Variants in CNOT1 observed in about 807,000 individuals in gnomAD.
CNOT1 encodes the protein CCR4-NOT transcription complex subunit 1, also known as CCR4-associated factor 1.
In CNOT1, 15 loss-of-function variants were observed where a neutral mutation model predicts 273.8. The ratio of observed to expected loss-of-function variants is 0.05; its 90% CI spans 0.04 to 0.08. CNOT1 has a LOEUF of 0.08. Ranked by LOEUF, CNOT1 falls within the 10% of genes least tolerant of loss-of-function variation. The probability of loss-of-function intolerance (pLI) is 1.00; values close to 1 mark genes in which losing one functional copy is unlikely to be tolerated. For missense variants in CNOT1, 1,644 were observed against 2,912.2 expected, an observed-to-expected ratio of 0.56 and a Z score of 10.02; for synonymous variants, 1,022 against 1,005.5, an observed-to-expected ratio of 1.02 and a Z score of -0.31.
chr16:58,547,480 A>C lies in CNOT1; in HGVS notation c.3639+86T>G. ...GGCCAAAATCTTACAAAACCCCAAT[A>C]ATCATTAAATAGCTCCAAACAGCCA... On this transcript the variant is annotated intron_variant, in intron 26 of 48. Transcript: ENST00000317147. This position sits in a 1 kb window ranked among gnomAD's most constrained non-coding sequence, Gnocchi z 4.0. 2 of 1,525,578 alleles carry C rather than the reference A, an allele frequency of 1.3e-6. No homozygotes were observed. Among genetic ancestry groups the C allele is most frequent in the South Asian group, 1.3e-5 (1 of 78,074 alleles). 94.5% of individuals were successfully genotyped at this position (1,525,578 alleles called of 1,614,324 possible).
At chr16:58,601,734 T>TAAAGAAAAAAAA (rs2042471030) in intron 1 of CNOT1, among the ~76,000 whole-genome samples, 1 of 91,514 alleles carries the variant, frequency 1.1e-5, no homozygotes, top group Non-Finnish European at 2.2e-5. Flanking sequence ...ATACCCACCT[T>TAAAGAAAAAAAA]AAAAAAAAAA....
chr16:58,572,508 C>T (rs2041310184), intron 16 of CNOT1, among the ~76,000 whole-genome samples: 1 of 151,934 alleles, frequency 6.6e-6, no homozygotes, highest in Non-Finnish European at 1.5e-5. Flanking sequence ...GTGGTGCATA[C>T]CTGTAATGCC....
At chr16:58,571,098 A>T (rs2041255604) in intron 16 of CNOT1, among the ~76,000 whole-genome samples, 1 of 91,194 alleles carries the variant, frequency 1.1e-5, no homozygotes, top group South Asian at 2.5e-4. Context: ...AGCTTGAGAA[A>T]AACAAAACAA....
chr16:58,539,686 G>A, intron 35 of CNOT1, 82 bp downstream of exon 35: 1 of 1,337,082 alleles, frequency 7.5e-7, no homozygotes, highest in Non-Finnish European at 1.0e-6. Flanking sequence ...AAGCATAACT[G>A]CATAAATATG....
Position 58,549,755 on chromosome 16 carries a change from G to A in CNOT1, c.3486C>T (p.Asn1162=). Residue 1162 remains asparagine (N), a synonymous_variant, in exon 25 of 49, where the codon AAC becomes AAT. Transcript: ENST00000317147. ...FLDTLKNPEF[N]KMVLNETYRN... ...TGTAGGTCTCATTCAGAACCATCTTGTTAAATTCAGGATTCTTCAGCGTGT... is the reference window on the plus strand; with the variant it reads ...TGTAGGTCTCATTCAGAACCATCTTATTAAATTCAGGATTCTTCAGCGTGT... 3.7e-6 allele frequency: 6 copies of A among 1,613,180 alleles called. No homozygotes were observed. Among genetic ancestry groups the A allele is most frequent in the Non-Finnish European group, 5.1e-6 (6 of 1,179,816 alleles).
Position 58,587,794 on chromosome 16 carries a change from A to G in CNOT1, c.295T>C (p.Leu99=), listed in dbSNP as rs2041924842. The change falls in exon 4 of 49, where the codon TTG becomes CTG. Residue 99 remains leucine (L), a synonymous_variant. Coordinates refer to ENST00000317147, the MANE Select transcript of CNOT1 (RefSeq NM_016284.5). ...GTAATACCAACCTTCTGATAGTGCA[A>G]TGGATTATCAATGGCATAGGACAGC... is the stretch of plus-strand genomic sequence containing the variant. ...STLSYAIDNP[L]HYQKSLKPAP... The G allele has an allele frequency of 6.2e-7, 1 of 1,613,814 alleles. No homozygotes were observed. Among genetic ancestry groups the G allele is most frequent in the Admixed American group, 1.7e-5 (1 of 59,992 alleles).
intron 1 of CNOT1, among the ~76,000 whole-genome samples, chr16:58,625,156 C>G (rs2043509444): frequency 6.6e-6 from 1 of 152,034 alleles, no homozygotes; most frequent in Non-Finnish European, 1.5e-5. Context: ...GAAGCTGAGG[C>G]AGGTAGATCA....
chr16:58,545,279 A>T lies in CNOT1; in HGVS notation c.4137+82T>A. 3 of 1,569,138 alleles carry T rather than the reference A, an allele frequency of 1.9e-6. No homozygotes were observed. The East Asian group carries it at 6.8e-5, about 35-fold the overall frequency. ...AACCTAGGAATCCAGAGGGAAGGGCAAAGAGCTGAAGAAAAGGTGGCCAAA... is the reference window on the plus strand; with the variant it reads ...AACCTAGGAATCCAGAGGGAAGGGCTAAGAGCTGAAGAAAAGGTGGCCAAA... On this transcript the variant is annotated intron_variant, in intron 30 of 48. Coordinates refer to ENST00000317147, the MANE Select transcript of CNOT1 (RefSeq NM_016284.5).
At chr16:58,521,887 G>A (rs1597387115) in intron 47 of CNOT1, among the ~76,000 whole-genome samples, 2 of 152,136 alleles carry the variant, frequency 1.3e-5, no homozygotes, top group Admixed American at 6.5e-5. Context: ...GTAGGTGGAG[G>A]TTGTGGTGAG....
At chr16:58,536,003 G>C (rs37064) in intron 39 of CNOT1, among the ~76,000 whole-genome samples, 36,934 of 152,036 alleles carry the variant, frequency 0.24, 4,885 homozygotes, top group East Asian at 0.38. Context: ...CAAAGTGCTG[G>C]GATTACAGGC....
At chr16:58,532,453 G>A (rs746441273) in intron 40 of CNOT1, 58 bp from the exon 41 acceptor site, 5 of 1,573,632 alleles carry the variant, frequency 3.2e-6, no homozygotes, top group African/African-American at 1.4e-5. Flanking sequence ...TCACCACTTC[G>A]ATGTCATGCT....
chr16:58,529,979 G>C (rs2039727442), intron 43 of CNOT1, among the ~76,000 whole-genome samples: 1 of 151,982 alleles, frequency 6.6e-6, no homozygotes, highest in South Asian at 2.1e-4. Context: ...GATGAAGATG[G>C]GGGAAAACCA....
intron 3 of CNOT1, 95 bp downstream of exon 3, chr16:58,588,704 G>T: frequency 6.9e-7 from 1 of 1,445,454 alleles, no homozygotes; most frequent in Non-Finnish European, 9.4e-7. Flanking sequence ...ACTTCCGGAT[G>T]CTATTTTGTA....
chr16:58,562,537 GGGGCGGCCAGGCACGGT>G (rs1038378356), intron 16 of CNOT1, among the ~76,000 whole-genome samples: 1 of 149,850 alleles, frequency 6.7e-6, no homozygotes, highest in African/African-American at 2.5e-5. Flanking sequence ...AAGCGGCGGG[GGGGCGGCCAGGCACGGT>G]GGCTCACACC....
intron 39 of CNOT1, among the ~76,000 whole-genome samples, chr16:58,535,841 C>T (rs1407640905): frequency 4.6e-5 from 7 of 151,968 alleles, no homozygotes; most frequent in African/African-American, 1.7e-4. Flanking sequence ...TCACGCCATT[C>T]TTCTGCCTCA....
In CNOT1 at chr16:58,622,346, G is replaced by A. The variant is rs1349532676; in HGVS notation, c.-175+7382C>T. 5.6e-5 allele frequency among the ~76,000 whole-genome samples: 3 copies of A among 53,362 alleles called. 1 individual carries two copies. Among genetic ancestry groups the A allele is most frequent in the Non-Finnish European group, 1.3e-4 (3 of 22,906 alleles). The allele number at this position is 53,362 out of a possible 152,430, so 35.0% of individuals were successfully genotyped here. Reference sequence around the variant, plus strand: ...GTACCACTCTAGTGGGGGGGGGGGGGGGGGCGGGCGTGGACAATGGGCAAG... The same window carrying A: ...GTACCACTCTAGTGGGGGGGGGGGGAGGGGCGGGCGTGGACAATGGGCAAG... On this transcript the variant is annotated intron_variant, in intron 1 of 48. Coordinates refer to ENST00000317147, the MANE Select transcript of CNOT1 (RefSeq NM_016284.5).
At chr16:58,603,211 C>T (rs926400843) in intron 1 of CNOT1, among the ~76,000 whole-genome samples, 1 of 152,226 alleles carries the variant, frequency 6.6e-6, no homozygotes, top group African/African-American at 2.4e-5. Flanking sequence ...AACATAATGT[C>T]CAGAGAAAAA....
chr16:58,560,196 T>G lies in CNOT1; in HGVS notation c.2130+16A>C. The G allele has an allele frequency of 5.0e-6, 8 of 1,612,824 alleles. No homozygotes were observed. Among genetic ancestry groups the G allele is most frequent in the Non-Finnish European group, 6.8e-6 (8 of 1,179,490 alleles). On this transcript the variant is annotated intron_variant, in intron 17 of 48. Transcript: ENST00000317147. ...CTATGGCAAATGAAGATGTATCAAA[T>G]GTAGCACTCATTTACCTGAACAGGA...
Position 58,529,840 on chromosome 16 carries a change from C to CAA in CNOT1, c.6279+404_6279+405dup, listed in dbSNP as rs58854069. On this transcript the variant is annotated intron_variant, in intron 43 of 48. Transcript: ENST00000317147. ...TGGGTTTCAGAGTGAGACTCTGTCT[C>CAA]AAAAAAAAAAAAAAAAAAAAAAAAA... Among the ~76,000 whole-genome samples the CAA allele has an allele frequency of 3.2e-3, 224 of 69,380 alleles. 5 individuals are homozygous for CAA. The highest frequency in any genetic ancestry group is 4.2e-3 in the African/African-American group (83 of 19,576). The allele number at this position is 69,380 out of a possible 152,430, so 45.5% of individuals were successfully genotyped here. A position where few individuals can be genotyped will look rare whatever the true frequency, so the allele number is the denominator to read the frequency against.
Sources: allele counts gnomAD v4.1 joint callset (sites outside exome capture counted in the v4.1 genomes callset), GRCh38; gene constraint gnomAD v4.1.1; non-coding constraint Gnocchi (gnomAD v3.1); transcripts MANE v1.5; gene names NCBI Gene and HGNC (gene_info 2026-07-23, HGNC 2026-07-21).